Variants in CCDC178 observed in about 807,000 individuals in gnomAD.
CCDC178 encodes coiled-coil domain-containing protein 178.
CCDC178 carries 126 observed loss-of-function variants against 117.4 expected under a neutral mutation model. That is an observed-to-expected ratio of 1.07 (90% CI 0.93 to 1.24). The LOEUF (loss-of-function observed/expected upper bound fraction) is 1.24, where lower values mean the gene tolerates loss of function less well. Ranked by LOEUF, CCDC178 falls within the 50% of genes most tolerant of loss-of-function variation. The pLI is 0.00. For missense variants in CCDC178, 1,030 were observed against 986.9 expected (o/e 1.04, Z -0.59); for synonymous variants, 283 against 313.4 (o/e 0.90, Z 1.02).
At chr18:33,402,241 G>A (rs963989178) in intron 3 of CCDC178, among the ~76,000 whole-genome samples, 12 of 152,166 alleles carry the variant, frequency 7.9e-5, no homozygotes, top group Admixed American at 2.0e-4. Context: ...TTAAAAAGGC[G>A]AAATTGTCAA....
intron 18 of CCDC178, among the ~76,000 whole-genome samples, chr18:33,219,830 C>T (rs565176718): frequency 4.6e-5 from 7 of 151,890 alleles, no homozygotes; most frequent in South Asian, 2.1e-4. Context: ...ATGTAAATGA[C>T]GAGTTAATGG....
intron 20 of CCDC178, among the ~76,000 whole-genome samples, chr18:33,107,369 T>A (rs1485325080): frequency 6.6e-6 from 1 of 151,682 alleles, no homozygotes; most frequent in East Asian, 1.9e-4. Flanking sequence ...AATATTTGTT[T>A]TCTAACAGTA....
intron 21 of CCDC178, among the ~76,000 whole-genome samples, chr18:33,071,510 A>G (rs1369721959): frequency 6.6e-6 from 1 of 152,088 alleles, no homozygotes; most frequent in African/African-American, 2.4e-5. Flanking sequence ...TGAAATACCA[A>G]CACGGTTTTC....
chr18:33,306,550 TA>T, intron 11 of CCDC178, among the ~76,000 whole-genome samples: 1 of 147,364 alleles, frequency 6.8e-6, no homozygotes, highest in African/African-American at 2.5e-5. Flanking sequence ...AATATATGGT[TA>T]TATATATATG....
At chr18:33,297,157 C>T (rs548578483) in intron 11 of CCDC178, among the ~76,000 whole-genome samples, 90 of 151,672 alleles carry the variant, frequency 5.9e-4, no homozygotes, top group African/African-American at 2.1e-3. Context: ...AATAGAAACA[C>T]AATATGCCAA....
At chr18:33,087,555 G>A (rs1303939547) in intron 21 of CCDC178, among the ~76,000 whole-genome samples, 2 of 146,834 alleles carry the variant, frequency 1.4e-5, no homozygotes, top group African/African-American at 5.2e-5. Context: ...AGAAACAGGG[G>A]CCAAAGCCAT....
At chr18:33,237,700 C>T (rs145751643) in intron 15 of CCDC178, among the ~76,000 whole-genome samples, 20 of 152,234 alleles carry the variant, frequency 1.3e-4, no homozygotes, top group African/African-American at 3.9e-4. Context: ...GCATGAGAAA[C>T]GGCCCCACAG....
intron 21 of CCDC178, among the ~76,000 whole-genome samples, chr18:33,065,088 G>A (rs1428817845): frequency 6.6e-6 from 1 of 151,862 alleles, no homozygotes; most frequent in Non-Finnish European, 1.5e-5. Context: ...TGCTACCAGG[G>A]ACTGAGGAGG....
chr18:33,220,384 G>A (rs1327671028), intron 18 of CCDC178, among the ~76,000 whole-genome samples: 3 of 151,926 alleles, frequency 2.0e-5, no homozygotes, highest in Non-Finnish European at 2.9e-5. Context: ...TAGTTTAAGT[G>A]GTGATGACTG....
intron 21 of CCDC178, among the ~76,000 whole-genome samples, chr18:33,030,640 T>C (rs559892131): frequency 1.3e-5 from 2 of 151,932 alleles, no homozygotes; most frequent in South Asian, 2.1e-4. Flanking sequence ...GATAGATCAA[T>C]AGATAGATAG....
Position 33,087,014 on chromosome 18 carries a change from A to AC in CCDC178, c.2388+5746_2388+5747insG, listed in dbSNP as rs1491460401. ...CACACACACACACACACACACACAC[A>AC]ACAAAATAGCCATTGGTTGACACAC... On this transcript the variant is annotated intron_variant, in intron 21 of 22. Coordinates refer to ENST00000383096, the MANE Select transcript of CCDC178 (RefSeq NM_001105528.4). Among the ~76,000 whole-genome samples the AC allele has an allele frequency of 4.1e-4, 58 of 141,910 alleles. 1 individual carries two copies. The highest frequency in any genetic ancestry group is 1.3e-3 in the African/African-American group (52 of 38,652). The allele number at this position is 141,910 out of a possible 152,430, so 93.1% of individuals were successfully genotyped here.
At chr18:33,239,157 T>C (rs1599038688) in intron 15 of CCDC178, among the ~76,000 whole-genome samples, 2 of 151,728 alleles carry the variant, frequency 1.3e-5, no homozygotes. Flanking sequence ...ACAATAACTA[T>C]CAGGAAAACA....
intron 22 of CCDC178, among the ~76,000 whole-genome samples, chr18:32,959,005 A>C (rs1355990466): frequency 6.6e-6 from 1 of 152,118 alleles, no homozygotes; most frequent in Non-Finnish European, 1.5e-5. Context: ...AAATCCCCCA[A>C]ATGTGGTAAC....
At chr18:33,014,325 A>G (rs1422980941) in intron 21 of CCDC178, among the ~76,000 whole-genome samples, 1 of 152,222 alleles carries the variant, frequency 6.6e-6, no homozygotes, top group Admixed American at 6.5e-5. Context: ...GCATGCTTAG[A>G]GCGTTTGTTT....
intron 11 of CCDC178, among the ~76,000 whole-genome samples, chr18:33,301,058 T>C (rs1344240789): frequency 6.6e-6 from 1 of 152,212 alleles, no homozygotes; most frequent in African/African-American, 2.4e-5. Flanking sequence ...AAGAACTGTT[T>C]CAGGGGGCAG....
In CCDC178 at chr18:33,389,630, C is replaced by T; in HGVS notation, c.119-1G>A. Reference sequence around the variant, plus strand: ...ACCAAACTTTGAGACATGGCATTGCCTTTTAAAAAGAAAAAATACATATTT... The same window carrying T: ...ACCAAACTTTGAGACATGGCATTGCTTTTTAAAAAGAAAAAATACATATTT... On this transcript the variant is annotated splice_acceptor_variant, in intron 4 of 22. Coordinates refer to ENST00000383096, the MANE Select transcript of CCDC178 (RefSeq NM_001105528.4). LOFTEE classifies it high-confidence loss of function. 3 of 1,454,252 alleles carry T rather than the reference C, an allele frequency of 2.1e-6. No individual in the cohort carries two copies. The highest frequency in any genetic ancestry group is 1.5e-5 in the South Asian group (1 of 65,086). The allele number at this position is 1,454,252 out of a possible 1,614,324, so 90.1% of individuals were successfully genotyped here.
intron 21 of CCDC178, among the ~76,000 whole-genome samples, chr18:33,039,690 C>T (rs539329434): frequency 1.4e-3 from 213 of 151,790 alleles, no homozygotes; most frequent in African/African-American, 4.7e-3. Context: ...TATTTCAAAA[C>T]GAGAGAGGGG....
chr18:33,101,068 G>T (rs2057619434), intron 20 of CCDC178, among the ~76,000 whole-genome samples: 1 of 151,792 alleles, frequency 6.6e-6, no homozygotes, highest in Non-Finnish European at 1.5e-5. Context: ...GACAGGCACA[G>T]TAATAATTTC....
At chr18:33,307,222 T>C (rs976977766) in intron 11 of CCDC178, among the ~76,000 whole-genome samples, 11 of 151,926 alleles carry the variant, frequency 7.2e-5, no homozygotes, top group African/African-American at 2.7e-4. Flanking sequence ...GACAGGAAAA[T>C]ATGGGAAAGT....
Sources: allele counts gnomAD v4.1 joint callset (sites outside exome capture counted in the v4.1 genomes callset), GRCh38; gene constraint gnomAD v4.1.1; transcripts MANE v1.5; gene names NCBI Gene and HGNC (gene_info 2026-07-23, HGNC 2026-07-21).